Variants in HIVEP2 observed in about 807,000 individuals in gnomAD.
HIVEP2 encodes the protein transcription factor HIVEP2.
Under a neutral mutation model 180.7 loss-of-function variants are expected in HIVEP2, and 14 were observed. The observed-to-expected ratio is 0.08, with a 90% CI of 0.05 to 0.12. The LOEUF is 0.12. HIVEP2 is among the 10% of genes least tolerant of loss of function. The pLI, the probability that HIVEP2 is intolerant of heterozygous loss-of-function variation, is 1.00. For synonymous variants in HIVEP2, 1,184 were observed against 1,136.4 expected (o/e 1.04, Z -0.84); for missense variants, 2,579 against 3,008.5 (o/e 0.86, Z 3.34).
At chr6:142,817,915 A>G (rs1776885838) in intron 2 of HIVEP2, among the ~76,000 whole-genome samples, 1 of 151,834 alleles carries the variant, frequency 6.6e-6, no homozygotes, top group South Asian at 2.1e-4. Flanking sequence ...CTGAGGCAGG[A>G]GAATCACTTG....
At chr6:142,903,676 A>G (rs549369343) in intron 1 of HIVEP2, among the ~76,000 whole-genome samples, 1 of 152,324 alleles carries the variant, frequency 6.6e-6, no homozygotes, top group South Asian at 2.1e-4. Context: ...TCACACACTA[A>G]TTCTGATATC....
intron 2 of HIVEP2, among the ~76,000 whole-genome samples, chr6:142,833,312 A>G (rs1008846517): frequency 3.3e-5 from 5 of 152,244 alleles, no homozygotes; most frequent in African/African-American, 1.2e-4. Context: ...GTCATTACAC[A>G]AATATTAATT....
intron 2 of HIVEP2, among the ~76,000 whole-genome samples, chr6:142,811,371 T>C (rs760897857): frequency 5.7e-4 from 86 of 152,176 alleles, no homozygotes; most frequent in Non-Finnish European, 9.6e-4. Flanking sequence ...TCACTTAAGA[T>C]CAGTTTAAGA....
At chr6:142,863,292 T>C (rs575597359) in intron 1 of HIVEP2, among the ~76,000 whole-genome samples, 26 of 151,814 alleles carry the variant, frequency 1.7e-4, no homozygotes, top group African/African-American at 6.3e-4. Context: ...TATAGTAGTT[T>C]GTGTTACTTT....
At chr6:142,903,426 A>G (rs1422207059) in intron 1 of HIVEP2, among the ~76,000 whole-genome samples, 1 of 152,212 alleles carries the variant, frequency 6.6e-6, no homozygotes, top group Admixed American at 6.5e-5. Context: ...GTAAGTAAAT[A>G]TCTCTTAAGT....
rs538728299 is a variant in HIVEP2 at position 142,770,596 on chromosome 6, G to T, written c.4143C>A (p.Asn1381Lys). Residue 1381 changes from asparagine (N) to lysine (K), a missense_variant, in exon 5 of 10, where the codon AAC becomes AAA. Around this residue, in one of 11 missense-constraint regions of HIVEP2, gnomAD observed 523 missense variants for 577.0 expected, o/e 0.91. Coordinates refer to ENST00000367603, the MANE Select transcript of HIVEP2 (RefSeq NM_006734.4). The surrounding 1 kb of genome is among the most constrained non-coding windows in gnomAD (Gnocchi z 4.7). ...ENMTQRTLVT[N>K]AAMQGIGFNI... The stretch of plus-strand genomic sequence containing the variant: ...TGAATCCTATCCCTTGCATGGCTGC[G>T]TTGGTGACCAGTGTCCTTTGGGTCA... 8.7e-6 allele frequency: 14 copies of T among 1,614,104 alleles called. No homozygotes were observed. Among genetic ancestry groups the T allele is most frequent in the African/African-American group, 1.3e-5 (1 of 74,936 alleles).
intron 2 of HIVEP2, among the ~76,000 whole-genome samples, chr6:142,801,271 T>G (rs921942867): frequency 1.3e-5 from 2 of 148,478 alleles, no homozygotes; most frequent in African/African-American, 5.0e-5. Context: ...AAAAGAACAC[T>G]AGATTAAGGC....
chr6:142,764,654 T>C (rs1035670663), intron 7 of HIVEP2, 145 bp downstream of exon 7: 6 of 689,032 alleles, frequency 8.7e-6, no homozygotes, highest in Admixed American at 8.3e-5. Context: ...GATCACTTAC[T>C]TGAGGGAGAA....
At chr6:142,944,310 A>T (rs1403238807) in intron 1 of HIVEP2, among the ~76,000 whole-genome samples, 1 of 151,418 alleles carries the variant, frequency 6.6e-6, no homozygotes, top group Non-Finnish European at 1.5e-5. Flanking sequence ...ATGCGTATAA[A>T]GCGCACCGAT....
intron 1 of HIVEP2, among the ~76,000 whole-genome samples, chr6:142,903,043 G>A (rs972857483): frequency 5.3e-5 from 8 of 152,142 alleles, no homozygotes; most frequent in Non-Finnish European, 7.4e-5. Flanking sequence ...GCAGTAAACC[G>A]ATATTTTTCT....
chr6:142,764,706 T>C (rs1775338357), intron 7 of HIVEP2, 93 bp downstream of exon 7: 1 of 895,124 alleles, frequency 1.1e-6, no homozygotes, highest in Admixed American at 2.5e-5. Context: ...CAAACTATCT[T>C]TATTGTTGAT....
At chr6:142,861,574 G>A (rs1377267377) in intron 1 of HIVEP2, among the ~76,000 whole-genome samples, 3 of 152,188 alleles carry the variant, frequency 2.0e-5, no homozygotes, top group Middle Eastern at 3.4e-3. Context: ...TTTCCCATCC[G>A]ACTGTTGGTA....
At chr6:142,881,658 T>C (rs1776577152) in intron 1 of HIVEP2, among the ~76,000 whole-genome samples, 1 of 152,148 alleles carries the variant, frequency 6.6e-6, no homozygotes, top group African/African-American at 2.4e-5. Context: ...ACCTCACAGA[T>C]CTCCTTCTCT....
intron 1 of HIVEP2, among the ~76,000 whole-genome samples, chr6:142,915,454 C>A (rs1224653526): frequency 6.6e-6 from 1 of 152,102 alleles, no homozygotes; most frequent in Non-Finnish European, 1.5e-5. Flanking sequence ...CCCCTCACAG[C>A]CCTCAGAAGA....
rs748355972 is a variant in HIVEP2 at position 142,773,280 on chromosome 6, G to C, written c.1459C>G (p.Pro487Ala). 5 of 1,614,000 alleles carry C rather than the reference G, an allele frequency of 3.1e-6. No homozygotes were observed. Among genetic ancestry groups the C allele is most frequent in the South Asian group, 1.1e-5 (1 of 91,084 alleles). ...GATTTCAGCATGCTCGTTTGACTGG[G>C]GTCGACATCTCCCTTGCTTGGGATC... ...QLIPSKGDVD[P>A]SQTSMLKSTK... The change falls in exon 5 of 10, where the codon CCC (proline) becomes GCC (alanine). Residue 487 changes from proline (P) to alanine (A), a missense_variant. By Grantham distance (27) the Pro-to-Ala change is conservative. Around this residue, in one of 11 missense-constraint regions of HIVEP2, gnomAD observed 524 missense variants for 563.6 expected, o/e 0.93. Coordinates refer to ENST00000367603, the MANE Select transcript of HIVEP2 (RefSeq NM_006734.4).
rs568818205 is a variant in HIVEP2 at position 142,871,809 on chromosome 6, T to C, written c.-640-34762A>G. On this transcript the variant is annotated intron_variant, in intron 1 of 9. Coordinates refer to ENST00000367603, the MANE Select transcript of HIVEP2 (RefSeq NM_006734.4). ...CTTTATAAGGGACTCAACTAAGGCA[T>C]GAAATGGTTAATTGATGGAAATTAG... Among the ~76,000 whole-genome samples the C allele has an allele frequency of 2.0e-5, 3 of 152,252 alleles. No homozygotes were observed. The East Asian group carries it at 5.8e-4, about 29-fold the overall frequency.
At chr6:142,776,276 G>A (rs755513708) in intron 3 of HIVEP2, 85 bp from the exon 4 acceptor site, 12 of 152,282 alleles carry the variant, frequency 7.9e-5, no homozygotes, top group Non-Finnish European at 1.3e-4. Context: ...CCAATTTCCA[G>A]TTCATTATAT....
At chr6:142,777,602 C>T (rs59145794) in intron 3 of HIVEP2, among the ~76,000 whole-genome samples, 1,571 of 121,252 alleles carry the variant, frequency 0.013, 37 homozygotes, top group African/African-American at 0.048. Flanking sequence ...GAGCCAAGAT[C>T]GAGCCATTGC....
At chr6:142,800,837 G>A (rs189561950) in intron 2 of HIVEP2, among the ~76,000 whole-genome samples, 3 of 152,160 alleles carry the variant, frequency 2.0e-5, no homozygotes, top group East Asian at 1.9e-4. Flanking sequence ...TAATCCAAAC[G>A]GCTCAGAAAG....
Sources: allele counts gnomAD v4.1 joint callset (sites outside exome capture counted in the v4.1 genomes callset), GRCh38; gene constraint gnomAD v4.1.1; regional missense constraint gnomAD v4.1.1; non-coding constraint Gnocchi (gnomAD v3.1); transcripts MANE v1.5; gene names NCBI Gene and HGNC (gene_info 2026-07-23, HGNC 2026-07-21).